The following UGT1A6 variants were observed in gnomAD, a reference collection of about 807,000 sequenced individuals.
UGT1A6 encodes the protein UDP glucuronosyltransferase family 1 member A6.
A neutral mutation model predicts 44.4 loss-of-function variants in UGT1A6; 32 were observed. The observed-to-expected ratio is 0.72, with a 90% confidence interval of 0.54 to 0.97. The LOEUF is 0.97. Among genes scored for constraint, UGT1A6 ranks in the 50% least tolerant of loss-of-function variants. UGT1A6 has a pLI of 0.00. For synonymous variants in UGT1A6, 238 were observed against 248.5 expected, an observed-to-expected ratio of 0.96 and a Z score of 0.40; for missense variants, 685 against 661.9, an observed-to-expected ratio of 1.03 and a Z score of -0.38.
At position 233,772,492 on chromosome 2, in the gene UGT1A6, A is replaced by G; in HGVS notation, c.1532A>G (p.Tyr511Cys). Reference sequence around the variant, plus strand: ...TTCATCACCTTTAAATGTTGTGCTTATGGCTACCGGAAATGCTTGGGGAAA... The same window carrying G: ...TTCATCACCTTTAAATGTTGTGCTTGTGGCTACCGGAAATGCTTGGGGAAA... ...VAFITFKCCA[Y>C]GYRKCLGKKG... Residue 511 changes from tyrosine (Y) to cysteine (C), a missense_variant, in exon 5 of 5, where the codon TAT (tyrosine) becomes TGT (cysteine). Coordinates refer to ENST00000305139, the MANE Select transcript of UGT1A6 (RefSeq NM_001072.4). 6.2e-7 allele frequency: 1 copy of G among 1,614,134 alleles called. No individual in the cohort carries two copies. The highest frequency in any genetic ancestry group is 1.1e-5 in the South Asian group (1 of 91,080).
rs781113205 is a variant in UGT1A6 at position 233,693,220 on chromosome 2, C to T, written c.216C>T (p.Tyr72=). 1 of 1,614,172 alleles carries T rather than the reference C, an allele frequency of 6.2e-7. No individual in the cohort carries two copies. Among genetic ancestry groups the T allele is most frequent in the South Asian group, 1.1e-5 (1 of 91,084 alleles). ...ATTTGCTTTTGAAAGAATCCAAATA[C>T]TACACAAGAAAAATCTATCCAGTGC... The part of the protein sequence containing the change: ...EVNLLLKESK[Y]YTRKIYPVPY... Residue 72 remains tyrosine (Y), a synonymous_variant, in exon 1 of 5, where the codon TAC becomes TAT. Transcript: ENST00000305139.
chr2:233,755,236 G>C (rs1242283792), intron 1 of UGT1A6: 2 of 905,678 alleles, frequency 2.2e-6, no homozygotes, highest in Non-Finnish European at 3.3e-6. Flanking sequence ...GAGGCCTACC[G>C]GGGTACTCCC....
At chr2:233,700,675 C>T (rs999893991) in intron 1 of UGT1A6, among the ~76,000 whole-genome samples, 6 of 151,936 alleles carry the variant, frequency 3.9e-5, no homozygotes, top group East Asian at 1.9e-4. Context: ...AGCACAAATT[C>T]GTGATAATAT....
At chr2:233,705,763 A>G (rs1046936782) in intron 1 of UGT1A6, among the ~76,000 whole-genome samples, 2 of 152,212 alleles carry the variant, frequency 1.3e-5, no homozygotes, top group African/African-American at 4.8e-5. Context: ...TCAGCTGCAT[A>G]CTTTGAGTGT....
At chr2:233,712,571 G>T (rs2076241686) in intron 1 of UGT1A6, among the ~76,000 whole-genome samples, 1 of 152,174 alleles carries the variant, frequency 6.6e-6, no homozygotes, top group African/African-American at 2.4e-5. Flanking sequence ...AGCAAATAGG[G>T]TCACATCCAG....
chr2:233,756,771 G>C (rs1424521769), intron 1 of UGT1A6, among the ~76,000 whole-genome samples: 1 of 152,000 alleles, frequency 6.6e-6, no homozygotes, highest in Non-Finnish European at 1.5e-5. Context: ...TGGATTCTTT[G>C]CTTTGATAAA....
intron 1 of UGT1A6, among the ~76,000 whole-genome samples, chr2:233,745,590 G>A (rs565744032): frequency 1.3e-5 from 2 of 151,664 alleles, no homozygotes; most frequent in Admixed American, 6.5e-5. Context: ...CCTGAGACCC[G>A]GACTTGGCAC....
At chr2:233,735,136 T>C (rs2078611903) in intron 1 of UGT1A6, among the ~76,000 whole-genome samples, 1 of 152,178 alleles carries the variant, frequency 6.6e-6, no homozygotes, top group African/African-American at 2.4e-5. Context: ...TCATTATTAT[T>C]GTGTGGGAGT....
intron 1 of UGT1A6, among the ~76,000 whole-genome samples, chr2:233,698,410 C>G (rs1360939662): frequency 6.6e-6 from 1 of 151,926 alleles, no homozygotes; most frequent in Admixed American, 6.6e-5. Flanking sequence ...GTGACTTCAT[C>G]GCAATAAATT....
At chr2:233,748,267 A>G (rs762493954) in intron 1 of UGT1A6, among the ~76,000 whole-genome samples, 2 of 151,794 alleles carry the variant, frequency 1.3e-5, no homozygotes, top group Non-Finnish European at 2.9e-5. Context: ...TAAATGGTCA[A>G]TGAGAGGAAG....
At chr2:233,751,502 G>A (rs1015716404) in intron 1 of UGT1A6, among the ~76,000 whole-genome samples, 1 of 152,208 alleles carries the variant, frequency 6.6e-6, no homozygotes, top group Non-Finnish European at 1.5e-5. Flanking sequence ...AGATTTGGGA[G>A]GGGCCAGAGG....
intron 1 of UGT1A6, among the ~76,000 whole-genome samples, chr2:233,746,241 G>A (rs1177862804): frequency 6.6e-6 from 1 of 151,746 alleles, no homozygotes; most frequent in African/African-American, 2.4e-5. Context: ...ACTGCTAAAA[G>A]ATACAAGGCA....
At chr2:233,755,000 G>A (rs1457245121) in intron 1 of UGT1A6, 1 of 1,292,978 alleles carries the variant, frequency 7.7e-7, no homozygotes, top group Non-Finnish European at 1.0e-6. Flanking sequence ...GGAAGCTGAA[G>A]ACCTACTCGA....
chr2:233,693,993 C>T (rs1321694157), intron 1 of UGT1A6, 128 bp downstream of exon 1: 1 of 1,526,640 alleles, frequency 6.6e-7, no homozygotes, highest in Admixed American at 1.9e-5. Context: ...GAAGTGATAC[C>T]CGGCTCGGAG....
intron 1 of UGT1A6, among the ~76,000 whole-genome samples, chr2:233,716,580 T>G (rs997790116): frequency 6.6e-6 from 1 of 152,228 alleles, no homozygotes; most frequent in Non-Finnish European, 1.5e-5. Flanking sequence ...AACAATACTT[T>G]CAAAGAGCAA....
At chr2:233,733,842 C>T (rs543682196) in intron 1 of UGT1A6, among the ~76,000 whole-genome samples, 2 of 152,138 alleles carry the variant, frequency 1.3e-5, no homozygotes, top group South Asian at 4.2e-4. Context: ...GGAGGATTCC[C>T]TCTTTTTCTA....
At chr2:233,704,173 G>A (rs28899182) in intron 1 of UGT1A6, among the ~76,000 whole-genome samples, 112 of 151,522 alleles carry the variant, frequency 7.4e-4, no homozygotes, top group African/African-American at 2.6e-3. Context: ...TTACAGGTGT[G>A]AGCCACTGTG....
At chr2:233,694,433 C>T (rs542980334) in intron 1 of UGT1A6, among the ~76,000 whole-genome samples, 1 of 152,210 alleles carries the variant, frequency 6.6e-6, no homozygotes, top group East Asian at 1.9e-4. Context: ...GCAAAGCCTA[C>T]ACATTTACTG....
intron 1 of UGT1A6, among the ~76,000 whole-genome samples, chr2:233,695,422 CCTTCTT>C (rs34487948): frequency 6.6e-6 from 1 of 150,952 alleles, no homozygotes; most frequent in African/African-American, 2.4e-5. Flanking sequence ...CCGCGCCCGG[CCTTCTT>C]CTTCTTCTTT....
Sources: allele counts gnomAD v4.1 joint callset (sites outside exome capture counted in the v4.1 genomes callset), GRCh38; gene constraint gnomAD v4.1.1; transcripts MANE v1.5; gene names NCBI Gene and HGNC (gene_info 2026-07-23, HGNC 2026-07-21).